GRM7: variants seen among roughly 807,000 people sequenced by gnomAD.
GRM7 encodes metabotropic glutamate receptor 7.
A neutral mutation model predicts 84.5 loss-of-function variants in GRM7; 35 were observed. The observed-to-expected ratio is 0.41, with a 90% CI of 0.32 to 0.55. The LOEUF (loss-of-function observed/expected upper bound fraction) is 0.55. Ranked by LOEUF, GRM7 falls within the 20% of genes least tolerant of loss-of-function variation. The pLI is 0.19. For synonymous variants in GRM7, 487 were observed against 455.1 expected (o/e 1.07, Z -0.89); for missense variants, 1,003 against 1,194.6 (o/e 0.84, Z 2.36).
intron 4 of GRM7, among the ~76,000 whole-genome samples, chr3:7,353,777 G>A (rs560000784): frequency 1.6e-4 from 24 of 152,192 alleles, no homozygotes; most frequent in African/African-American, 5.8e-4. Flanking sequence ...AGAAGAATTG[G>A]ATCCTGGGGT....
At chr3:7,556,653 AC>A (rs2125031552) in intron 7 of GRM7, among the ~76,000 whole-genome samples, 1 of 152,324 alleles carries the variant, frequency 6.6e-6, no homozygotes, top group South Asian at 2.1e-4. Context: ...TGAACGTGGC[AC>A]TTAGCAAGGA....
chr3:7,638,103 A>G (rs1698185995), intron 8 of GRM7, among the ~76,000 whole-genome samples: 1 of 152,224 alleles, frequency 6.6e-6, no homozygotes, highest in Non-Finnish European at 1.5e-5. Flanking sequence ...TTCAACAATT[A>G]TCTACTTCTT....
chr3:7,691,801 C>T (rs889934027), intron 9 of GRM7, among the ~76,000 whole-genome samples: 2 of 152,104 alleles, frequency 1.3e-5, no homozygotes, highest in African/African-American at 4.8e-5. Flanking sequence ...GCTGGGATTA[C>T]AGGCATGTGC....
chr3:7,631,288 A>G (rs78638095), intron 8 of GRM7, among the ~76,000 whole-genome samples: 3,186 of 152,258 alleles, frequency 0.021, 37 homozygotes, highest in Non-Finnish European at 0.032. Context: ...AGATTCCAAC[A>G]GAGGGACACT....
chr3:6,934,767 T>C (rs1389755919), intron 1 of GRM7, among the ~76,000 whole-genome samples: 1 of 152,044 alleles, frequency 6.6e-6, no homozygotes, highest in Non-Finnish European at 1.5e-5. Flanking sequence ...GATGAAAATA[T>C]CAATAGAACT....
intron 1 of GRM7, among the ~76,000 whole-genome samples, chr3:6,950,392 C>T (rs190982625): frequency 2.3e-4 from 35 of 152,310 alleles, no homozygotes; most frequent in Admixed American, 2.0e-3. Flanking sequence ...ACTGCAAATG[C>T]TGCTACCTGA....
chr3:7,243,074 G>A (rs1697620470), intron 2 of GRM7, among the ~76,000 whole-genome samples: 1 of 152,136 alleles, frequency 6.6e-6, no homozygotes, highest in Non-Finnish European at 1.5e-5. Context: ...AAGATAGAAG[G>A]TGATGATCAT....
intron 2 of GRM7, among the ~76,000 whole-genome samples, chr3:7,193,236 A>G (rs560299113): frequency 2.0e-4 from 31 of 152,278 alleles, no homozygotes; most frequent in Admixed American, 2.0e-3. Flanking sequence ...AATGAGTGGC[A>G]GTGAACTAGA....
At chr3:7,582,644 C>T (rs907522637) in intron 8 of GRM7, among the ~76,000 whole-genome samples, 3 of 148,386 alleles carry the variant, frequency 2.0e-5, no homozygotes, top group African/African-American at 7.3e-5. Context: ...CTTTTCTGTG[C>T]ATATTATAAC....
At chr3:7,060,423 A>G (rs1454140367) in intron 1 of GRM7, among the ~76,000 whole-genome samples, 2 of 151,768 alleles carry the variant, frequency 1.3e-5, no homozygotes, top group African/African-American at 4.8e-5. Context: ...TAGGAACAAG[A>G]TGGTGAAAAA....
At chr3:6,915,007 A>G (rs955548749) in intron 1 of GRM7, among the ~76,000 whole-genome samples, 5 of 152,310 alleles carry the variant, frequency 3.3e-5, no homozygotes, top group Admixed American at 6.5e-5. Context: ...ACTGAAGCTG[A>G]TGTATGCATT....
At chr3:7,544,229 G>A (rs150762278) in intron 7 of GRM7, among the ~76,000 whole-genome samples, 1 of 152,260 alleles carries the variant, frequency 6.6e-6, no homozygotes, top group Non-Finnish European at 1.5e-5. Context: ...TGCAGTGGCA[G>A]GTAGCTCACT....
At chr3:7,332,214 A>G (rs1022764745) in intron 4 of GRM7, among the ~76,000 whole-genome samples, 18 of 152,160 alleles carry the variant, frequency 1.2e-4, no homozygotes, top group Admixed American at 1.0e-3. Context: ...AATGTTTGGA[A>G]CTTACATAAC....
chr3:7,634,155 T>C (rs569495327), intron 8 of GRM7, among the ~76,000 whole-genome samples: 1 of 152,254 alleles, frequency 6.6e-6, no homozygotes, highest in East Asian at 1.9e-4. Context: ...TATGCTTGGA[T>C]GACTTGGCTG....
intron 4 of GRM7, among the ~76,000 whole-genome samples, chr3:7,364,771 GT>G (rs372814664): frequency 6.6e-6 from 1 of 151,908 alleles, no homozygotes; most frequent in South Asian, 2.1e-4. Context: ...AAATTTCACA[GT>G]TTTTTCTCCT....
intron 1 of GRM7, among the ~76,000 whole-genome samples, chr3:6,887,834 T>C (rs1348582277): frequency 6.6e-6 from 1 of 152,238 alleles, no homozygotes; most frequent in Non-Finnish European, 1.5e-5. Flanking sequence ...TGAACTAATT[T>C]ATACTTGCGC....
intron 4 of GRM7, among the ~76,000 whole-genome samples, chr3:7,400,713 C>T (rs1429785985): frequency 1.3e-5 from 2 of 152,134 alleles, no homozygotes; most frequent in Non-Finnish European, 2.9e-5. Flanking sequence ...AATCCTGTAA[C>T]TTTCATAGGC....
intron 4 of GRM7, 138 bp from the exon 5 acceptor site, chr3:7,414,885 A>AT: frequency 3.4e-6 from 2 of 592,194 alleles, no homozygotes; most frequent in Non-Finnish European, 5.7e-6. Flanking sequence ...TCCTTCTGTT[A>AT]ATTTTTTTTT....
At chr3:7,667,280 A>AAAAG (rs1553634441) in intron 8 of GRM7, among the ~76,000 whole-genome samples, 81 of 148,824 alleles carry the variant, frequency 5.4e-4, no homozygotes, top group Middle Eastern at 3.2e-3. Flanking sequence ...AAAAAAAAAA[A>AAAAG]AGAGAGAGAG....
Sources: allele counts gnomAD v4.1 joint callset (sites outside exome capture counted in the v4.1 genomes callset), GRCh38; gene constraint gnomAD v4.1.1; transcripts MANE v1.5; gene names NCBI Gene and HGNC (gene_info 2026-07-23, HGNC 2026-07-21).